Variants in CNTNAP5 observed in about 807,000 individuals in gnomAD.
CNTNAP5 encodes contactin associated protein family member 5.
Under a neutral mutation model 150.2 loss-of-function variants are expected in CNTNAP5, and 72 were observed. The observed-to-expected ratio is 0.48, with a 90% CI of 0.40 to 0.58. The LOEUF (loss-of-function observed/expected upper bound fraction) is 0.58. CNTNAP5 is among the 20% of genes least tolerant of loss of function. The probability of loss-of-function intolerance (pLI) is 0.00; values close to 1 mark genes in which losing one functional copy is unlikely to be tolerated. For synonymous variants in CNTNAP5, 672 were observed against 619.8 expected, an observed-to-expected ratio of 1.08 and a Z score of -1.25; for missense variants, 1,636 against 1,626.2, an observed-to-expected ratio of 1.01 and a Z score of -0.10.
intron 3 of CNTNAP5, among the ~76,000 whole-genome samples, chr2:124,322,424 A>G (rs1689123557): frequency 6.6e-6 from 1 of 152,152 alleles, no homozygotes; most frequent in Non-Finnish European, 1.5e-5. Flanking sequence ...GAGAGGGCTT[A>G]TCATCTGTAG....
chr2:124,262,216 A>G (rs1489197915), intron 3 of CNTNAP5, among the ~76,000 whole-genome samples: 2 of 152,092 alleles, frequency 1.3e-5, no homozygotes, highest in East Asian at 1.9e-4. Context: ...CTGTACTTCA[A>G]TTTGGGCCAC....
At chr2:124,830,565 G>C (rs1682693078) in intron 19 of CNTNAP5, among the ~76,000 whole-genome samples, 1 of 151,956 alleles carries the variant, frequency 6.6e-6, no homozygotes, top group Admixed American at 6.6e-5. Flanking sequence ...TATAATAGAG[G>C]AATGTAAACA....
At chr2:124,842,859 T>C (rs192446655) in intron 19 of CNTNAP5, among the ~76,000 whole-genome samples, 1 of 152,118 alleles carries the variant, frequency 6.6e-6, no homozygotes, top group Non-Finnish European at 1.5e-5. Context: ...AGTTACTGCC[T>C]CATGAGAAAT....
chr2:124,046,467 A>G (rs1362993068), intron 1 of CNTNAP5, among the ~76,000 whole-genome samples: 1 of 149,740 alleles, frequency 6.7e-6, no homozygotes, highest in Admixed American at 6.7e-5. Flanking sequence ...TAACAGGTTA[A>G]TATCTAGAAT....
At chr2:124,492,816 T>C (rs992024134) in intron 7 of CNTNAP5, among the ~76,000 whole-genome samples, 1 of 140,728 alleles carries the variant, frequency 7.1e-6, no homozygotes, top group Non-Finnish European at 1.5e-5. Flanking sequence ...GTATGTTGAT[T>C]TTGTATCTTG....
At chr2:124,308,014 T>A (rs1688734346) in intron 3 of CNTNAP5, among the ~76,000 whole-genome samples, 1 of 152,148 alleles carries the variant, frequency 6.6e-6, no homozygotes, top group Non-Finnish European at 1.5e-5. Flanking sequence ...TGCCAGGTAC[T>A]CTGTGGTTCA....
intron 1 of CNTNAP5, among the ~76,000 whole-genome samples, chr2:124,094,346 C>G (rs1682883806): frequency 6.6e-6 from 1 of 152,064 alleles, no homozygotes; most frequent in African/African-American, 2.4e-5. Flanking sequence ...GTTGATCTAC[C>G]TGAACTCCAT....
At chr2:124,586,399 C>A (rs966838654) in intron 11 of CNTNAP5, among the ~76,000 whole-genome samples, 2 of 152,172 alleles carry the variant, frequency 1.3e-5, no homozygotes, top group Admixed American at 6.5e-5. Flanking sequence ...TAGCTACTAT[C>A]CAGCGGAGCC....
chr2:124,504,265 A>G, intron 7 of CNTNAP5, 27 bp from the exon 8 acceptor site: 1 of 1,601,054 alleles, frequency 6.2e-7, no homozygotes, highest in East Asian at 2.2e-5. Flanking sequence ...AATGGCTTTT[A>G]TATGTTTGAC....
chr2:124,886,998 TC>T (rs1216522822), intron 21 of CNTNAP5, among the ~76,000 whole-genome samples: 4 of 152,062 alleles, frequency 2.6e-5, no homozygotes, highest in Non-Finnish European at 4.4e-5. Context: ...TTAATCTTTT[TC>T]CTTTTTCTTG....
chr2:124,260,128 C>T (rs1486046951), intron 3 of CNTNAP5, among the ~76,000 whole-genome samples: 1 of 151,868 alleles, frequency 6.6e-6, no homozygotes, highest in Admixed American at 6.6e-5. Context: ...TATTACAAGG[C>T]TACAGTAACC....
At chr2:124,549,394 T>G (rs1390959571) in intron 10 of CNTNAP5, among the ~76,000 whole-genome samples, 1 of 152,236 alleles carries the variant, frequency 6.6e-6, no homozygotes, top group Non-Finnish European at 1.5e-5. Flanking sequence ...TACTTTAATG[T>G]GGTGAAATCT....
At chr2:124,079,634 A>G (rs1682514959) in intron 1 of CNTNAP5, among the ~76,000 whole-genome samples, 1 of 152,192 alleles carries the variant, frequency 6.6e-6, no homozygotes, top group African/African-American at 2.4e-5. Context: ...AAATAGATGA[A>G]AATATCAGAA....
At chr2:124,751,551 A>T (rs1386384942) in intron 14 of CNTNAP5, among the ~76,000 whole-genome samples, 1 of 152,240 alleles carries the variant, frequency 6.6e-6, no homozygotes, top group Admixed American at 6.5e-5. Flanking sequence ...AAGCTAACAC[A>T]CTTGTGAAAT....
chr2:124,312,426 G>T (rs1194535447), intron 3 of CNTNAP5, among the ~76,000 whole-genome samples: 1 of 152,060 alleles, frequency 6.6e-6, no homozygotes, highest in Non-Finnish European at 1.5e-5. Flanking sequence ...TCGGCTCACT[G>T]CAACCTCCGC....
At chr2:124,387,892 A>G (rs182879574) in intron 3 of CNTNAP5, among the ~76,000 whole-genome samples, 4 of 152,254 alleles carry the variant, frequency 2.6e-5, no homozygotes, top group African/African-American at 9.6e-5. Flanking sequence ...CAGTGTCCTG[A>G]AAAATACACT....
chr2:124,075,187 T>A lies in CNTNAP5; in HGVS notation c.82+49455T>A, dbSNP rs189357738. ...TGATAACTAAAGTGTTTCATTTCTT[T>A]ATTAAAATAATTTACCTAAGACAGC... On this transcript the variant is annotated intron_variant, in intron 1 of 23. Transcript: ENST00000682447. Among the ~76,000 whole-genome samples the A allele has an allele frequency of 1.1e-4, 16 of 152,282 alleles. No individual in the cohort carries two copies. The East Asian group carries it at 2.5e-3, about 24-fold the overall frequency.
intron 23 of CNTNAP5, 90 bp from the exon 24 acceptor site, chr2:124,914,002 A>T: frequency 2.3e-6 from 2 of 885,416 alleles, no homozygotes; most frequent in South Asian, 1.8e-5. Flanking sequence ...TTTCTCTCCT[A>T]CGCATTCCCC....
rs189845469 is a variant in CNTNAP5 at position 124,800,454 on chromosome 2, A to G, written c.3217+2134A>G. 3.3e-5 allele frequency among the ~76,000 whole-genome samples: 5 copies of G among 152,246 alleles called. No individual in the cohort carries two copies. In the East Asian group the frequency reaches 9.6e-4, roughly 29 times the overall value. ...ATCCACACAACATTTACTTCTCATCACAACCCTGTTTGATTGATTTATTGT... is the reference window on the plus strand; with the variant it reads ...ATCCACACAACATTTACTTCTCATCGCAACCCTGTTTGATTGATTTATTGT... On this transcript the variant is annotated intron_variant, in intron 19 of 23. Coordinates refer to ENST00000682447, the MANE Select transcript of CNTNAP5 (RefSeq NM_001367498.1).
Sources: gnomAD v4.1 joint callset for allele counts (sites outside exome capture counted in the v4.1 genomes callset) on GRCh38, gnomAD v4.1.1 for gene constraint, MANE v1.5 for transcripts, NCBI Gene and HGNC (gene_info 2026-07-23, HGNC 2026-07-21) for gene names.